Variants in GPSM2 observed in about 807,000 individuals in gnomAD.
GPSM2 encodes G protein signaling modulator 2.
A neutral mutation model predicts 78.4 loss-of-function variants in GPSM2; 58 were observed. The observed-to-expected ratio is 0.74, with a 90% CI of 0.60 to 0.92. GPSM2 has a LOEUF of 0.92. Ranked by LOEUF, GPSM2 falls within the 40% of genes least tolerant of loss-of-function variation. The pLI, the probability that GPSM2 is intolerant of heterozygous loss-of-function variation, is 0.00. For synonymous variants in GPSM2, 224 were observed against 280.2 expected (o/e 0.80, Z 2.00); for missense variants, 700 against 815.5 (o/e 0.86, Z 1.73).
In GPSM2 at chr1:108,898,028, C is replaced by T; in HGVS notation, c.484C>T (p.Pro162Ser). ...YHAKGKSFGC[P>S]GPQDVGEFPE... ...TGCCAAAGGGAAAAGTTTTGGTTGCCCTGGTCCCCAGGATGTAGGAGAATT... is the reference window on the plus strand; with the variant it reads ...TGCCAAAGGGAAAAGTTTTGGTTGCTCTGGTCCCCAGGATGTAGGAGAATT... The change falls in exon 5 of 15, where the codon CCT becomes TCT. Residue 162 changes from proline to serine, a missense_variant. Physicochemically the swap from Pro to Ser is moderately conservative, Grantham distance 74. Coordinates refer to ENST00000264126, the MANE Select transcript of GPSM2 (RefSeq NM_013296.5). 6.2e-7 allele frequency: 1 copy of T among 1,613,988 alleles called. No individual in the cohort carries two copies. The highest frequency in any genetic ancestry group is 8.5e-7 in the Non-Finnish European group (1 of 1,179,888).
chr1:108,917,560 C>T (rs1260771517), intron 11 of GPSM2, among the ~76,000 whole-genome samples: 4 of 123,358 alleles, frequency 3.2e-5, no homozygotes, highest in African/African-American at 8.9e-5. Context: ...AGTGAGACTC[C>T]GTCTCAAAAA....
rs756683956 is a variant in GPSM2, at chr1:108,914,338, G to C, written c.1193G>C (p.Gly398Ala). 2.5e-6 allele frequency: 4 copies of C among 1,605,908 alleles called. No individual in the cohort carries two copies. The highest frequency in any genetic ancestry group is 3.4e-6 in the Non-Finnish European group (4 of 1,172,730). The change falls in exon 11 of 15, where the codon GGT (glycine) becomes GCT (alanine). Residue 398 changes from glycine to alanine, a missense_variant and splice_region_variant. Physicochemically the swap from Gly to Ala is moderately conservative, Grantham distance 60 (BLOSUM62 0). Coordinates refer to ENST00000264126, the MANE Select transcript of GPSM2 (RefSeq NM_013296.5). ...TTGAATTAATTTTTTTTAAACAAAGGTGTACGCCCCAAGTTGGGACGCCGG... is the reference window on the plus strand; with the variant it reads ...TTGAATTAATTTTTTTTAAACAAAGCTGTACGCCCCAAGTTGGGACGCCGG... ...ENTEIDSSLNGVRPKLGRRHS... is the reference protein window; with the variant it reads ...ENTEIDSSLNAVRPKLGRRHS...
intron 2 of GPSM2, among the ~76,000 whole-genome samples, chr1:108,891,949 T>C (rs1648001999): frequency 6.6e-6 from 1 of 152,226 alleles, no homozygotes. Context: ...TGTAAATCAA[T>C]TGAGCACTAC....
At position 108,929,870 on chromosome 1, in the gene GPSM2, T is replaced by A. The variant is rs774671620; in HGVS notation, c.1985T>A (p.Leu662Gln). Residue 662 changes from leucine (L) to glutamine (Q), a missense_variant, in exon 15 of 15, where the codon CTA (leucine) becomes CAA (glutamine). Leu to Gln is a moderately radical substitution (Grantham distance 113, BLOSUM62 -2). Transcript: ENST00000264126. Reference protein sequence around the residue: ...RDQNRDTDFGLKDFLQNNALL... With the variant: ...RDQNRDTDFGQKDFLQNNALL... Reference sequence around the variant, plus strand: ...CAAAACAGAGACACTGACTTTGGGCTAAAGGACTTTTTGCAAAATAATGCT... The same window carrying A: ...CAAAACAGAGACACTGACTTTGGGCAAAAGGACTTTTTGCAAAATAATGCT... 1.9e-6 allele frequency: 3 copies of A among 1,613,974 alleles called. No individual in the cohort carries two copies. Among genetic ancestry groups the A allele is most frequent in the Non-Finnish European group, 2.5e-6 (3 of 1,179,830 alleles).
At chr1:108,914,455 T>C (rs775349760) in intron 11 of GPSM2, 47 bp downstream of exon 11, 1 of 1,251,244 alleles carries the variant, frequency 8.0e-7, no homozygotes, top group African/African-American at 1.5e-5. Flanking sequence ...TATTATAAAA[T>C]GTTTTAGTAA....
chr1:108,883,010 A>G (rs754194087), intron 1 of GPSM2, among the ~76,000 whole-genome samples: 1 of 152,308 alleles, frequency 6.6e-6, no homozygotes, highest in East Asian at 1.9e-4. Flanking sequence ...GCAGTGTGCT[A>G]TGATTGTGAT....
chr1:108,923,961 GTTTTTTT>G (rs770715946), intron 13 of GPSM2, 32 bp from the exon 14 acceptor site: 1 of 1,359,242 alleles, frequency 7.4e-7, no homozygotes, highest in South Asian at 1.2e-5. Context: ...TTTGTTTTTT[GTTTTTTT>G]TTAATCTTTG....
chr1:108,919,781 TAATC>T (rs1202596481), intron 12 of GPSM2, among the ~76,000 whole-genome samples: 1 of 152,186 alleles, frequency 6.6e-6, no homozygotes, highest in Non-Finnish European at 1.5e-5. Context: ...GGTTTACTGA[TAATC>T]AGTATCAGGG....
At chr1:108,929,460 C>T (rs1388120195) in intron 14 of GPSM2, 2 of 533,846 alleles carry the variant, frequency 3.7e-6, no homozygotes, top group Admixed American at 3.2e-5. Context: ...ACCAATGAAG[C>T]AGCTATACCT....
chr1:108,893,134 T>C (rs1202744647), intron 2 of GPSM2, among the ~76,000 whole-genome samples: 1 of 152,258 alleles, frequency 6.6e-6, no homozygotes, highest in East Asian at 1.9e-4. Context: ...ATCATTTGGA[T>C]CAATGGTTCC....
chr1:108,881,718 A>C (rs1428818375), intron 1 of GPSM2, among the ~76,000 whole-genome samples: 2 of 152,214 alleles, frequency 1.3e-5, no homozygotes, highest in Non-Finnish European at 2.9e-5. Flanking sequence ...CTCTTATTGA[A>C]ATAGTGAATA....
chr1:108,878,016 G>A (rs1337616637), intron 1 of GPSM2, among the ~76,000 whole-genome samples: 2 of 152,162 alleles, frequency 1.3e-5, no homozygotes, highest in Non-Finnish European at 2.9e-5. Context: ...TATCGGGTTT[G>A]CATTGGAGCG....
chr1:108,901,701 G>T (rs1462902216), intron 7 of GPSM2, 89 bp from the exon 8 acceptor site: 2 of 947,458 alleles, frequency 2.1e-6, no homozygotes, highest in Non-Finnish European at 3.5e-6. Flanking sequence ...GCAGAAAGCA[G>T]CAGAGAGGAA....
intron 12 of GPSM2, among the ~76,000 whole-genome samples, chr1:108,920,362 G>A (rs1043272316): frequency 6.6e-6 from 1 of 150,666 alleles, no homozygotes; most frequent in Non-Finnish European, 1.5e-5. Context: ...CCAGCTACTC[G>A]GGAGGCTGAG....
At position 108,930,088 on chromosome 1, in the gene GPSM2, G is replaced by A. The variant is rs183637148; in HGVS notation, c.*148G>A. 35 of 750,866 alleles carry A rather than the reference G, an allele frequency of 4.7e-5. No homozygotes were observed. The Admixed American group carries it at 9.2e-4, about 20-fold the overall frequency. The allele number at this position is 750,866 out of a possible 1,614,324, so 46.5% of individuals were successfully genotyped here. Reference sequence around the variant, plus strand: ...TAGTTAACCTTCAGTAGTCTATTAAGGCATTAATACTTCTCTGGACATGCG... The same window carrying A: ...TAGTTAACCTTCAGTAGTCTATTAAAGCATTAATACTTCTCTGGACATGCG... On this transcript the variant is annotated 3_prime_UTR_variant, in exon 15 of 15. Coordinates refer to ENST00000264126, the MANE Select transcript of GPSM2 (RefSeq NM_013296.5).
intron 10 of GPSM2, among the ~76,000 whole-genome samples, chr1:108,906,363 T>C (rs566867389): frequency 2.0e-5 from 3 of 152,158 alleles, no homozygotes; most frequent in East Asian, 3.9e-4. Context: ...TTCCCTTTCT[T>C]TCACTCACTT....
At chr1:108,919,213 G>C (rs1341342218) in intron 12 of GPSM2, among the ~76,000 whole-genome samples, 2 of 152,070 alleles carry the variant, frequency 1.3e-5, no homozygotes, top group African/African-American at 2.4e-5. Flanking sequence ...TCACCACGTT[G>C]GCCAGGCTGG....
rs141562079 is a variant in GPSM2, at chr1:108,914,361, C to T, written c.1216C>T (p.Arg406Trp). The stretch of plus-strand genomic sequence containing the variant: ...AGGTGTACGCCCCAAGTTGGGACGC[C>T]GGCATAGTATGGAAAATATGGAACT... Reference protein sequence around the residue: ...LNGVRPKLGRRHSMENMELMK... With the variant: ...LNGVRPKLGRWHSMENMELMK... Residue 406 changes from arginine to tryptophan, a missense_variant, in exon 11 of 15, where the codon CGG (arginine) becomes TGG (tryptophan). Transcript: ENST00000264126. The T allele has an allele frequency of 5.2e-4, 831 of 1,612,258 alleles. 6 individuals are homozygous for T. In the East Asian group the frequency reaches 0.013, roughly 25 times the overall value.
Position 108,934,515 on chromosome 1 carries a change from G to A in GPSM2, c.*4575G>A. 1.3e-6 allele frequency: 1 copy of A among 794,850 alleles called. No individual in the cohort carries two copies. The highest frequency in any genetic ancestry group is 1.7e-5 in the African/African-American group (1 of 58,052). 49.2% of individuals were successfully genotyped at this position (794,850 alleles called of 1,614,324 possible). ...TATAACGTGTTTGTTAATTCTAATTGTCAGTAAAAATGTGAATGTTGAAGT... is the reference window on the plus strand; with the variant it reads ...TATAACGTGTTTGTTAATTCTAATTATCAGTAAAAATGTGAATGTTGAAGT... On this transcript the variant is annotated 3_prime_UTR_variant, in exon 15 of 15. Coordinates refer to ENST00000264126, the MANE Select transcript of GPSM2 (RefSeq NM_013296.5).
Sources: allele counts gnomAD v4.1 joint callset (sites outside exome capture counted in the v4.1 genomes callset), GRCh38; gene constraint gnomAD v4.1.1; transcripts MANE v1.5; gene names NCBI Gene and HGNC (gene_info 2026-07-23, HGNC 2026-07-21).